RAD51B: variants seen among roughly 807,000 people sequenced by gnomAD.
The protein encoded by RAD51B is DNA repair protein RAD51 homolog 2.
A neutral mutation model predicts 42.2 loss-of-function variants in RAD51B; 38 were observed. The ratio of observed to expected loss-of-function variants is 0.90; its 90% confidence interval spans 0.70 to 1.18. RAD51B has a LOEUF of 1.18. Among genes scored for constraint, RAD51B ranks in the 50% most tolerant of loss-of-function variants. The pLI is 0.00. For synonymous variants in RAD51B, 154 were observed against 145.2 expected, an observed-to-expected ratio of 1.06 and a Z score of -0.43; for missense variants, 373 against 400.7, an observed-to-expected ratio of 0.93 and a Z score of 0.59.
intron 7 of RAD51B, among the ~76,000 whole-genome samples, chr14:68,270,755 A>G (rs901005267): frequency 6.6e-6 from 1 of 152,160 alleles, no homozygotes; most frequent in East Asian, 1.9e-4. Flanking sequence ...TTCTTTGCCT[A>G]GATACAGCTA....
intron 7 of RAD51B, among the ~76,000 whole-genome samples, chr14:68,154,837 A>G (rs1051512493): frequency 6.6e-6 from 1 of 152,164 alleles, no homozygotes; most frequent in Non-Finnish European, 1.5e-5. Context: ...ATCTTTGTCA[A>G]AAGCAAAAGT....
intron 7 of RAD51B, among the ~76,000 whole-genome samples, chr14:67,968,846 C>T (rs1271099544): frequency 6.6e-6 from 1 of 152,188 alleles, no homozygotes; most frequent in Non-Finnish European, 1.5e-5. Context: ...AAGCAACGCC[C>T]TACTCCAATG....
exon 11 of RAD51B, chr14:68,650,856 G>A: frequency 2.6e-6 from 2 of 755,240 alleles, no homozygotes; most frequent in South Asian, 2.7e-5. Context: ...GATTGCTACA[G>A]GTATGAACAA....
intron 9 of RAD51B, among the ~76,000 whole-genome samples, chr14:68,426,312 G>T (rs1241334123): frequency 6.6e-6 from 1 of 151,604 alleles, no homozygotes; most frequent in African/African-American, 2.4e-5. Context: ...CCGACCTCAG[G>T]TGATCCACCC....
chr14:68,432,001 G>A (rs866325455), intron 9 of RAD51B, among the ~76,000 whole-genome samples: 7 of 152,176 alleles, frequency 4.6e-5, no homozygotes, highest in Middle Eastern at 3.4e-3. Context: ...CCTTCATTTC[G>A]TTATGTACCC....
intron 7 of RAD51B, among the ~76,000 whole-genome samples, chr14:68,156,716 T>G (rs925493182): frequency 3.3e-5 from 5 of 152,172 alleles, no homozygotes; most frequent in Non-Finnish European, 7.3e-5. Context: ...ATGATTTTAT[T>G]ATCCTTTTAT....
At chr14:68,086,650 A>G (rs892658010) in intron 7 of RAD51B, among the ~76,000 whole-genome samples, 1 of 152,156 alleles carries the variant, frequency 6.6e-6, no homozygotes, top group South Asian at 2.1e-4. Context: ...AGTGGAGAAA[A>G]TGGGGCAACT....
intron 7 of RAD51B, among the ~76,000 whole-genome samples, chr14:67,960,915 C>G (rs1053511325): frequency 1.3e-5 from 2 of 151,508 alleles, no homozygotes; most frequent in Admixed American, 6.6e-5. Flanking sequence ...GCAATCCTCC[C>G]TTCTTGGTTC....
chr14:67,973,858 G>A (rs2074942548), intron 7 of RAD51B, among the ~76,000 whole-genome samples: 1 of 152,042 alleles, frequency 6.6e-6, no homozygotes, highest in South Asian at 2.1e-4. Flanking sequence ...AGCATCCAAT[G>A]TTTATTTTAA....
chr14:68,333,461 C>G (rs1457359023), intron 8 of RAD51B, among the ~76,000 whole-genome samples: 1 of 152,154 alleles, frequency 6.6e-6, no homozygotes, highest in Non-Finnish European at 1.5e-5. Context: ...CTGGTAAAGC[C>G]ACTTTGAAGA....
At chr14:68,482,176 G>GGTGTGTGT (rs66768673), downstream of RAD51B, among the ~76,000 whole-genome samples, 3,374 of 149,778 alleles carry the variant, frequency 0.023, 104 homozygotes, top group African/African-American at 0.06. Context: ...ATATTTTAGG[G>GGTGTGTGT]GTGTGTGTGT....
chr14:68,165,445 G>A (rs995219536), intron 7 of RAD51B, among the ~76,000 whole-genome samples: 3 of 152,154 alleles, frequency 2.0e-5, no homozygotes, highest in Non-Finnish European at 2.9e-5. Context: ...TGAAAATGGG[G>A]CCGCTTTTAT....
At chr14:67,981,118 G>C (rs2075084794) in intron 7 of RAD51B, among the ~76,000 whole-genome samples, 1 of 152,168 alleles carries the variant, frequency 6.6e-6, no homozygotes, top group Non-Finnish European at 1.5e-5. Context: ...GGGAAGCCGA[G>C]GTGAGAGGAT....
chr14:67,933,028 C>A (rs1026312003), intron 7 of RAD51B, among the ~76,000 whole-genome samples: 1 of 152,220 alleles, frequency 6.6e-6, no homozygotes, highest in African/African-American at 2.4e-5. Flanking sequence ...AGGGTCACTG[C>A]TTCCAGCTCC....
At chr14:68,302,099 A>AT (rs1292075020) in intron 8 of RAD51B, among the ~76,000 whole-genome samples, 1 of 152,190 alleles carries the variant, frequency 6.6e-6, no homozygotes, top group Non-Finnish European at 1.5e-5. Flanking sequence ...TGAAGGAGAA[A>AT]TCTCCCACCT....
At chr14:67,976,202 G>A (rs2074990362) in intron 7 of RAD51B, among the ~76,000 whole-genome samples, 1 of 151,686 alleles carries the variant, frequency 6.6e-6, no homozygotes, top group African/African-American at 2.4e-5. Context: ...CTGCAGCCTG[G>A]ACCTCCTGGG....
At chr14:68,344,604 G>T (rs375191166) in intron 8 of RAD51B, among the ~76,000 whole-genome samples, 2 of 150,968 alleles carry the variant, frequency 1.3e-5, no homozygotes, top group African/African-American at 4.9e-5. Flanking sequence ...CAAAGATCAC[G>T]CCACTGCACT....
chr14:68,644,367 C>T (rs1892524006), intron 10 of RAD51B, among the ~76,000 whole-genome samples: 1 of 152,204 alleles, frequency 6.6e-6, no homozygotes, highest in African/African-American at 2.4e-5. Flanking sequence ...CACATGGCCA[C>T]AGGCTCTACC....
intron 5 of RAD51B, among the ~76,000 whole-genome samples, chr14:67,885,517 C>T (rs1217295880): frequency 6.6e-6 from 1 of 152,120 alleles, no homozygotes; most frequent in Non-Finnish European, 1.5e-5. Flanking sequence ...TTATTTCATT[C>T]AAGAAAATGA....
Sources: allele counts gnomAD v4.1 joint callset (sites outside exome capture counted in the v4.1 genomes callset), GRCh38; gene constraint gnomAD v4.1.1; transcripts MANE v1.5; gene names NCBI Gene and HGNC (gene_info 2026-07-23, HGNC 2026-07-21).